The following NUMB variants were observed in gnomAD, a reference collection of about 807,000 sequenced individuals.
NUMB encodes NUMB endocytic adaptor protein, also known as protein numb homolog.
Under a neutral mutation model 59.7 loss-of-function variants are expected in NUMB, and 29 were observed. The ratio of observed to expected loss-of-function variants is 0.49; its 90% CI spans 0.36 to 0.66. NUMB has a LOEUF of 0.66. Ranked by LOEUF, NUMB falls within the 30% of genes least tolerant of loss-of-function variation. The pLI is 0.00. For synonymous variants in NUMB, 288 were observed against 288.2 expected, an observed-to-expected ratio of 1.00 and a Z score of 0.01; for missense variants, 723 against 822.0, an observed-to-expected ratio of 0.88 and a Z score of 1.47.
At chr14:73,332,460 G>A (rs1310875848) in intron 4 of NUMB, among the ~76,000 whole-genome samples, 1 of 151,698 alleles carries the variant, frequency 6.6e-6, no homozygotes, top group East Asian at 2.0e-4. Context: ...CACCATGTTG[G>A]CCAGGCTGGT....
intron 2 of NUMB, among the ~76,000 whole-genome samples, chr14:73,388,355 A>T (rs1032749628): frequency 6.6e-6 from 1 of 152,216 alleles, no homozygotes; most frequent in African/African-American, 2.4e-5. Context: ...AAAATTCTGG[A>T]AAACCTTTCC....
chr14:73,457,580 T>G (rs781147008), intron 1 of NUMB: 1 of 152,264 alleles, frequency 6.6e-6, no homozygotes, highest in Non-Finnish European at 1.5e-5. Flanking sequence ...CCATTTTGCA[T>G]GACTCCTCTC....
chr14:73,353,069 C>CTTATTTTTTTTTTTTTTT (rs1566756859), intron 4 of NUMB, among the ~76,000 whole-genome samples: 2 of 18,084 alleles, frequency 1.1e-4, no homozygotes, highest in Non-Finnish European at 2.0e-4. Flanking sequence ...CACAGTTTTT[C>CTTATTTTTTTTTTTTTTT]TTGTTTTTTT....
chr14:73,380,972 C>T (rs145998681), intron 2 of NUMB, among the ~76,000 whole-genome samples: 4,193 of 152,264 alleles, frequency 0.028, 223 homozygotes, highest in African/African-American at 0.097. Flanking sequence ...ATCTGCCCAC[C>T]TCAGCCTCCC....
intron 3 of NUMB, among the ~76,000 whole-genome samples, chr14:73,360,287 G>A (rs1385245968): frequency 1.3e-5 from 2 of 151,844 alleles, no homozygotes; most frequent in African/African-American, 4.8e-5. Flanking sequence ...TGGGCACGGT[G>A]GCTCATGCCT....
At chr14:73,426,186 C>T (rs1162091825) in intron 1 of NUMB, among the ~76,000 whole-genome samples, 5 of 152,046 alleles carry the variant, frequency 3.3e-5, no homozygotes, top group Non-Finnish European at 5.9e-5. Flanking sequence ...CAAGATGGTA[C>T]AGTAAATTCA....
intron 6 of NUMB, among the ~76,000 whole-genome samples, chr14:73,305,195 CA>C (rs1436346959): frequency 6.6e-6 from 1 of 152,144 alleles, no homozygotes; most frequent in Non-Finnish European, 1.5e-5. Flanking sequence ...TATCATTGCA[CA>C]AAAGCAGCCA....
rs557382517 is a variant in NUMB, at chr14:73,300,225, A to C, written c.235-2940T>G. Among the ~76,000 whole-genome samples, 266 of 152,324 alleles carry C rather than the reference A, an allele frequency of 1.7e-3. 1 individual carries two copies. The highest frequency in any genetic ancestry group is 6.1e-3 in the African/African-American group (254 of 41,582). The stretch of plus-strand genomic sequence containing the variant: ...AAGAGTAATTTAGAGAACAAAGTCC[A>C]ACAAAATGCAGGGTGAGATGGGGCT... On this transcript the variant is annotated intron_variant, in intron 6 of 12. Transcript: ENST00000555238.
At chr14:73,388,736 G>A (rs963171079) in intron 2 of NUMB, among the ~76,000 whole-genome samples, 7 of 152,142 alleles carry the variant, frequency 4.6e-5, no homozygotes, top group African/African-American at 1.7e-4. Context: ...GCTGAGGCGG[G>A]CGGATCACTT....
intron 8 of NUMB, among the ~76,000 whole-genome samples, chr14:73,291,021 T>A (rs1454497879): frequency 6.6e-6 from 1 of 152,156 alleles, no homozygotes; most frequent in African/African-American, 2.4e-5. Context: ...ACTTCTATCA[T>A]GCAACAATTT....
chr14:73,398,415 AGTGTGTGTGTGTGTGT>A (rs57407662), intron 2 of NUMB, among the ~76,000 whole-genome samples: 3 of 118,804 alleles, frequency 2.5e-5, no homozygotes, highest in Non-Finnish European at 3.5e-5. Flanking sequence ...AGAGAGAGAG[AGTGTGTGTGTGTGTGT>A]GTGTGTGTGT....
intron 2 of NUMB, among the ~76,000 whole-genome samples, chr14:73,387,129 G>A (rs1268852433): frequency 1.3e-5 from 2 of 151,604 alleles, no homozygotes; most frequent in African/African-American, 2.4e-5. Context: ...TGATCCGCCC[G>A]CCTCGGCCTC....
chr14:73,290,366 C>G (rs892614996), intron 8 of NUMB, among the ~76,000 whole-genome samples: 2 of 152,202 alleles, frequency 1.3e-5, no homozygotes, highest in Non-Finnish European at 2.9e-5. Flanking sequence ...TGCTTATAAT[C>G]TTTATCCAAT....
chr14:73,416,116 A>G (rs2140142604), intron 1 of NUMB, among the ~76,000 whole-genome samples: 1 of 152,318 alleles, frequency 6.6e-6, no homozygotes, highest in African/African-American at 2.4e-5. Flanking sequence ...AGTCTTTTGT[A>G]AATTCCATGA....
At chr14:73,443,947 C>T (rs887383429) in intron 1 of NUMB, among the ~76,000 whole-genome samples, 1 of 151,852 alleles carries the variant, frequency 6.6e-6, no homozygotes, top group African/African-American at 2.4e-5. Flanking sequence ...CACTCTGTCC[C>T]CCCACGCAGG....
At chr14:73,389,341 T>C (rs1895731531) in intron 2 of NUMB, among the ~76,000 whole-genome samples, 1 of 151,500 alleles carries the variant, frequency 6.6e-6, no homozygotes, top group Non-Finnish European at 1.5e-5. Context: ...TTCTCTTTAT[T>C]TATTTTTTTG....
chr14:73,352,515 TATATATATATATA>T lies in NUMB; in HGVS notation c.126+3098_126+3110del, dbSNP rs1566756395. Among the ~76,000 whole-genome samples the T allele has an allele frequency of 2.1e-3, 51 of 24,322 alleles. 4 individuals are homozygous for T. Among genetic ancestry groups the T allele is most frequent in the Non-Finnish European group, 3.4e-3 (45 of 13,086 alleles). 16.0% of individuals were successfully genotyped at this position (24,322 alleles called of 152,430 possible). A position where few individuals can be genotyped will look rare whatever the true frequency, so the allele number is the denominator to read the frequency against. ...ATATATATATATATATATATATATATATATATATATATATGTTTTTTTTTTTTTTTTTTTTTTG... is the reference window on the plus strand; with the variant it reads ...ATATATATATATATATATATATATATTGTTTTTTTTTTTTTTTTTTTTTTG... On this transcript the variant is annotated intron_variant, in intron 4 of 12. Coordinates refer to ENST00000555238, the MANE Select transcript of NUMB (RefSeq NM_001005743.2).
At chr14:73,388,888 G>T (rs1225236726) in intron 2 of NUMB, among the ~76,000 whole-genome samples, 1 of 152,096 alleles carries the variant, frequency 6.6e-6, no homozygotes, top group Non-Finnish European at 1.5e-5. Flanking sequence ...ACGAGGTCAG[G>T]AGATCAAGAC....
At chr14:73,313,939 T>C (rs1041251682) in intron 6 of NUMB, among the ~76,000 whole-genome samples, 10 of 152,020 alleles carry the variant, frequency 6.6e-5, no homozygotes, top group African/African-American at 2.4e-4. Flanking sequence ...TCCTGAGTAG[T>C]AGCTGGGATT....
Sources: gnomAD v4.1 joint callset for allele counts (sites outside exome capture counted in the v4.1 genomes callset) on GRCh38, gnomAD v4.1.1 for gene constraint, MANE v1.5 for transcripts, NCBI Gene and HGNC (gene_info 2026-07-23, HGNC 2026-07-21) for gene names.